BMPER: variants seen among roughly 807,000 people sequenced by gnomAD.
The protein encoded by BMPER is BMP-binding endothelial regulator protein.
A neutral mutation model predicts 87.3 loss-of-function variants in BMPER; 45 were observed. That is an observed-to-expected ratio of 0.52 (90% CI 0.41 to 0.66). BMPER has a LOEUF of 0.66. Among genes scored for constraint, BMPER ranks in the 30% least tolerant of loss-of-function variants. The pLI is 0.00. For missense variants in BMPER, 784 were observed against 867.5 expected, an observed-to-expected ratio of 0.90 and a Z score of 1.21; for synonymous variants, 326 against 316.2, an observed-to-expected ratio of 1.03 and a Z score of -0.33.
At chr7:34,141,945 C>G (rs935124745) in intron 13 of BMPER, among the ~76,000 whole-genome samples, 9 of 152,172 alleles carry the variant, frequency 5.9e-5, no homozygotes, top group African/African-American at 2.2e-4. Context: ...CTGCTCTCGA[C>G]AATCAGTTGT....
intron 3 of BMPER, among the ~76,000 whole-genome samples, chr7:33,947,987 T>C (rs1348989922): frequency 2.6e-5 from 4 of 152,202 alleles, no homozygotes; most frequent in Non-Finnish European, 4.4e-5. Context: ...AATTGTTTTA[T>C]TGTTGAAATG....
At chr7:34,109,493 A>T (rs1789906492) in intron 13 of BMPER, among the ~76,000 whole-genome samples, 1 of 152,228 alleles carries the variant, frequency 6.6e-6, no homozygotes, top group African/African-American at 2.4e-5. Context: ...AAAATTAATC[A>T]TCACAATTGA....
chr7:33,980,461 A>G (rs901759096), intron 6 of BMPER, among the ~76,000 whole-genome samples: 4 of 152,266 alleles, frequency 2.6e-5, no homozygotes, highest in African/African-American at 9.6e-5. Context: ...CTGTATAGCA[A>G]ACAGCTTTGT....
chr7:34,119,207 G>A (rs1257189943), intron 13 of BMPER, among the ~76,000 whole-genome samples: 2 of 152,142 alleles, frequency 1.3e-5, no homozygotes, highest in African/African-American at 4.8e-5. Flanking sequence ...TGTGATACAA[G>A]CTGAGTTAAA....
intron 6 of BMPER, among the ~76,000 whole-genome samples, chr7:34,006,827 A>C (rs1158371292): frequency 6.6e-6 from 1 of 152,118 alleles, no homozygotes; most frequent in Non-Finnish European, 1.5e-5. Context: ...GCAAATTAGC[A>C]TAGCTATCAA....
intron 6 of BMPER, among the ~76,000 whole-genome samples, chr7:33,984,705 T>A (rs1415005226): frequency 6.6e-6 from 1 of 152,212 alleles, no homozygotes; most frequent in Non-Finnish European, 1.5e-5. Context: ...GTTTATAGAT[T>A]TGAGTGAAAT....
At chr7:34,057,519 A>T (rs577840673) in intron 9 of BMPER, among the ~76,000 whole-genome samples, 1 of 152,210 alleles carries the variant, frequency 6.6e-6, no homozygotes, top group South Asian at 2.1e-4. Context: ...TGGCTTGCCC[A>T]TCAAGTGTCT....
chr7:33,952,263 T>A (rs10270579), intron 3 of BMPER, among the ~76,000 whole-genome samples: 54,074 of 152,114 alleles, frequency 0.36, 10,662 homozygotes, highest in African/African-American at 0.54. Context: ...TGATTCTGCG[T>A]CTGCTTATAG....
At chr7:34,062,266 A>G (rs576801222) in intron 11 of BMPER, among the ~76,000 whole-genome samples, 1 of 152,216 alleles carries the variant, frequency 6.6e-6, no homozygotes, top group African/African-American at 2.4e-5. Context: ...ATTTGTTGCT[A>G]TGAGAAATTA....
At chr7:34,005,554 C>T (rs1447677726) in intron 6 of BMPER, among the ~76,000 whole-genome samples, 1 of 151,878 alleles carries the variant, frequency 6.6e-6, no homozygotes, top group African/African-American at 2.4e-5. Flanking sequence ...CTCAGGCAAC[C>T]CTTCTGCCTC....
intron 2 of BMPER, among the ~76,000 whole-genome samples, chr7:33,927,583 T>A (rs1295416874): frequency 3.3e-5 from 5 of 152,194 alleles, no homozygotes; most frequent in African/African-American, 9.7e-5. Flanking sequence ...AGAAAGGGGC[T>A]GTCAAAATAA....
chr7:34,131,644 C>T (rs1790593424), intron 13 of BMPER, among the ~76,000 whole-genome samples: 1 of 152,132 alleles, frequency 6.6e-6, no homozygotes, highest in South Asian at 2.1e-4. Flanking sequence ...GAGGCCTTCA[C>T]TTTCATAAAT....
intron 12 of BMPER, among the ~76,000 whole-genome samples, chr7:34,079,774 T>G (rs1475829774): frequency 6.6e-6 from 1 of 152,166 alleles, no homozygotes; most frequent in Non-Finnish European, 1.5e-5. Context: ...ACGTGGCTGT[T>G]CTATGCCACC....
At chr7:34,029,807 A>G (rs1787475895) in intron 6 of BMPER, among the ~76,000 whole-genome samples, 1 of 152,116 alleles carries the variant, frequency 6.6e-6, no homozygotes, top group South Asian at 2.1e-4. Context: ...CCCCTTTTAA[A>G]GGCATGGAAA....
intron 3 of BMPER, among the ~76,000 whole-genome samples, chr7:33,947,180 G>A (rs1334340103): frequency 6.6e-6 from 1 of 152,162 alleles, no homozygotes; most frequent in Admixed American, 6.5e-5. Context: ...GAGTCAAACA[G>A]ATGGTTTTGG....
intron 2 of BMPER, among the ~76,000 whole-genome samples, chr7:33,910,582 G>T (rs1783932887): frequency 6.6e-6 from 1 of 152,226 alleles, no homozygotes; most frequent in South Asian, 2.1e-4. Context: ...TCAGAGCTTA[G>T]TTTGGCGTAC....
intron 13 of BMPER, among the ~76,000 whole-genome samples, chr7:34,140,051 T>C (rs1790823805): frequency 6.6e-6 from 1 of 152,136 alleles, no homozygotes; most frequent in Non-Finnish European, 1.5e-5. Context: ...TGAATATGGG[T>C]TCTGAGATCA....
At chr7:34,052,578 A>G (rs1788175131) in intron 8 of BMPER, among the ~76,000 whole-genome samples, 1 of 152,248 alleles carries the variant, frequency 6.6e-6, no homozygotes. Flanking sequence ...GAAACCAAGA[A>G]GAAATACATT....
At chr7:34,062,068 A>T in intron 11 of BMPER, 21 bp downstream of exon 11, 1 of 1,601,682 alleles carries the variant, frequency 6.2e-7, no homozygotes, top group Non-Finnish European at 8.5e-7. Flanking sequence ...TCCTTTGAAA[A>T]TGTGCTATTA....
Sources: gnomAD v4.1 joint callset for allele counts (sites outside exome capture counted in the v4.1 genomes callset) on GRCh38, gnomAD v4.1.1 for gene constraint, MANE v1.5 for transcripts, NCBI Gene and HGNC (gene_info 2026-07-23, HGNC 2026-07-21) for gene names.